The following RAB3C variants were observed in gnomAD, a reference collection of about 807,000 sequenced individuals.
RAB3C encodes the protein ras-related protein Rab-3C.
RAB3C carries 17 observed loss-of-function variants against 26.4 expected under a neutral mutation model. The observed-to-expected ratio is 0.64, with a 90% CI of 0.44 to 0.97. The LOEUF (loss-of-function observed/expected upper bound fraction) is 0.97. RAB3C is among the 50% of genes least tolerant of loss of function. The pLI, the probability that RAB3C is intolerant of heterozygous loss-of-function variation, is 0.00. For synonymous variants in RAB3C, 91 were observed against 95.9 expected, an observed-to-expected ratio of 0.95 and a Z score of 0.30; for missense variants, 242 against 281.9, an observed-to-expected ratio of 0.86 and a Z score of 1.01.
In RAB3C at chr5:58,765,591, A is replaced by G. The variant is rs560348530; in HGVS notation, c.371+39471A>G. Among the ~76,000 whole-genome samples the G allele has an allele frequency of 3.9e-5, 6 of 152,296 alleles. 1 individual carries two copies. The highest frequency in any genetic ancestry group is 1.4e-4 in the African/African-American group (6 of 41,564). On this transcript the variant is annotated intron_variant, in intron 3 of 4. Transcript: ENST00000282878. ...ACATGTGAATGGAATCATATTAAGC[A>G]TATTGTTTTGTAACCTTATATTGTT...
At chr5:58,841,688 G>A (rs917519515) in intron 4 of RAB3C, among the ~76,000 whole-genome samples, 3 of 152,174 alleles carry the variant, frequency 2.0e-5, no homozygotes, top group Non-Finnish European at 4.4e-5. Flanking sequence ...GTTTGTGGTG[G>A]CAGTGGGGGC....
intron 3 of RAB3C, among the ~76,000 whole-genome samples, chr5:58,824,426 G>T (rs992229532): frequency 3.3e-5 from 5 of 152,122 alleles, no homozygotes; most frequent in African/African-American, 1.2e-4. Flanking sequence ...CCAGCTCATT[G>T]TATTATAATT....
chr5:58,690,888 T>G lies in RAB3C; in HGVS notation c.253-35114T>G, dbSNP rs145370385. 3.9e-4 allele frequency among the ~76,000 whole-genome samples: 59 copies of G among 152,290 alleles called. No homozygotes were observed. In the East Asian group the frequency reaches 9.3e-3, roughly 24 times the overall value. ...AATATGGTGATATAACTAATAAGAT[T>G]TGTAATAACTAATAAATCCAGTTAC... is the stretch of plus-strand genomic sequence containing the variant. On this transcript the variant is annotated intron_variant, in intron 2 of 4. Transcript: ENST00000282878.
intron 2 of RAB3C, chr5:58,647,796 T>C (rs952744524): frequency 2.0e-5 from 3 of 152,154 alleles, no homozygotes; most frequent in Non-Finnish European, 4.4e-5. Flanking sequence ...GCACACAATC[T>C]CACATGAACC....
chr5:58,646,623 G>A (rs2111778072), intron 2 of RAB3C, among the ~76,000 whole-genome samples: 1 of 152,118 alleles, frequency 6.6e-6, no homozygotes, highest in East Asian at 1.9e-4. Context: ...TCAGATGGGT[G>A]GGGAGTGCTG....
intron 3 of RAB3C, among the ~76,000 whole-genome samples, chr5:58,799,336 T>C (rs1579924837): frequency 6.6e-6 from 1 of 152,074 alleles, no homozygotes; most frequent in African/African-American, 2.4e-5. Context: ...AACTTCTACT[T>C]GTCTACAGGC....
intron 2 of RAB3C, among the ~76,000 whole-genome samples, chr5:58,657,465 T>C (rs1747807228): frequency 6.6e-6 from 1 of 151,974 alleles, no homozygotes; most frequent in Non-Finnish European, 1.5e-5. Context: ...AATGACGATG[T>C]GTGCATCATG....
intron 3 of RAB3C, among the ~76,000 whole-genome samples, chr5:58,808,634 T>C (rs1161721976): frequency 6.6e-6 from 1 of 152,152 alleles, no homozygotes; most frequent in Non-Finnish European, 1.5e-5. Flanking sequence ...AGGTGAAAAA[T>C]AGAATTACTT....
intron 2 of RAB3C, among the ~76,000 whole-genome samples, chr5:58,721,339 C>G (rs1284669769): frequency 6.7e-6 from 1 of 150,212 alleles, no homozygotes; most frequent in Non-Finnish European, 1.5e-5. Flanking sequence ...CTCATTTTCT[C>G]TCTGATATTT....
At chr5:58,688,806 A>G (rs1748500445) in intron 2 of RAB3C, among the ~76,000 whole-genome samples, 1 of 152,190 alleles carries the variant, frequency 6.6e-6, no homozygotes, top group Admixed American at 6.6e-5. Flanking sequence ...AATACTACTT[A>G]GAAAATCAGT....
chr5:58,654,002 A>C (rs953759518), intron 2 of RAB3C, among the ~76,000 whole-genome samples: 8 of 152,218 alleles, frequency 5.3e-5, no homozygotes, highest in African/African-American at 1.9e-4. Context: ...ACTGAATCCC[A>C]AAACTATAAA....
In RAB3C at chr5:58,729,804, CAT is replaced by C. The variant is rs1740971047; in HGVS notation, c.371+3688_371+3689del. Among the ~76,000 whole-genome samples the C allele has an allele frequency of 2.1e-5, 3 of 144,826 alleles. No homozygotes were observed. The South Asian group carries it at 6.3e-4, about 31-fold the overall frequency. ...TATGTATATTTATATTATATATACA[CAT>C]ATACATATACTATATGTATATTTAT... On this transcript the variant is annotated intron_variant, in intron 3 of 4. Transcript: ENST00000282878.
In RAB3C at chr5:58,854,091, A is replaced by G. The variant is rs1013921107; in HGVS notation, c.*2740A>G. ...CACACACACTATACCATCATCTATC[A>G]ATAGTCTAAATACATAAATAAATGC... is the stretch of plus-strand genomic sequence containing the variant. On this transcript the variant is annotated 3_prime_UTR_variant, in exon 5 of 5. Coordinates refer to ENST00000282878, the MANE Select transcript of RAB3C (RefSeq NM_138453.4). The G allele has an allele frequency of 4.7e-5, 7 of 148,374 alleles. No individual in the cohort carries two copies. The highest frequency in any genetic ancestry group is 7.4e-5 in the Non-Finnish European group (5 of 67,188). 9.2% of individuals were successfully genotyped at this position (148,374 alleles called of 1,614,324 possible). A position where few individuals can be genotyped will look rare whatever the true frequency, so the allele number is the denominator to read the frequency against.
At chr5:58,825,815 T>C (rs1399673368) in intron 4 of RAB3C, among the ~76,000 whole-genome samples, 1 of 152,172 alleles carries the variant, frequency 6.6e-6, no homozygotes, top group African/African-American at 2.4e-5. Flanking sequence ...AGAGATTTAA[T>C]ACAAAGGAGG....
intron 3 of RAB3C, among the ~76,000 whole-genome samples, chr5:58,808,190 A>T (rs970434183): frequency 2.7e-5 from 4 of 147,516 alleles, no homozygotes; most frequent in Non-Finnish European, 4.4e-5. Context: ...GCTCCACTGC[A>T]CTCCAGCCTG....
intron 3 of RAB3C, among the ~76,000 whole-genome samples, chr5:58,820,568 C>T (rs1486557952): frequency 2.0e-5 from 3 of 152,178 alleles, no homozygotes; most frequent in Non-Finnish European, 2.9e-5. Flanking sequence ...TTTTGTTCAT[C>T]GTAGCACAAA....
chr5:58,652,292 A>G (rs1310427302), intron 2 of RAB3C, among the ~76,000 whole-genome samples: 2 of 151,722 alleles, frequency 1.3e-5, no homozygotes, highest in African/African-American at 2.4e-5. Flanking sequence ...TGGAGCGTCT[A>G]TATACTTAGA....
chr5:58,804,667 A>ATGTG lies in RAB3C; in HGVS notation c.372-20351_372-20348dup, dbSNP rs142259686. Among the ~76,000 whole-genome samples, 590 of 149,396 alleles carry ATGTG rather than the reference A, an allele frequency of 3.9e-3. 6 individuals carry two copies. Among genetic ancestry groups the ATGTG allele is most frequent in the African/African-American group, 0.013 (538 of 40,804 alleles). On this transcript the variant is annotated intron_variant, in intron 3 of 4. Coordinates refer to ENST00000282878, the MANE Select transcript of RAB3C (RefSeq NM_138453.4). ...AGTCACAGTACACAGTGGGGTGCAT[A>ATGTG]TGTGTGTGTGTGTGTGTGTGTGTAT...
chr5:58,765,402 CTATT>C (rs1281404070), intron 3 of RAB3C, among the ~76,000 whole-genome samples: 1 of 152,144 alleles, frequency 6.6e-6, no homozygotes, highest in Non-Finnish European at 1.5e-5. Context: ...TTTCTTTTCT[CTATT>C]TAATTCTGTT....
Sources: allele counts gnomAD v4.1 joint callset (sites outside exome capture counted in the v4.1 genomes callset), GRCh38; gene constraint gnomAD v4.1.1; transcripts MANE v1.5; gene names NCBI Gene and HGNC (gene_info 2026-07-23, HGNC 2026-07-21).